Variants in SMARCA1 observed in about 807,000 individuals in gnomAD.
SMARCA1 encodes the protein SWI/SNF-related matrix-associated actin-dependent regulator of chromatin subfamily A member 1.
A neutral mutation model predicts 93.6 loss-of-function variants in SMARCA1; 17 were observed. That is an observed-to-expected ratio of 0.18 (90% CI 0.12 to 0.27). The LOEUF (loss-of-function observed/expected upper bound fraction) is 0.27. SMARCA1 is among the 10% of genes least tolerant of loss of function. SMARCA1 has a pLI of 1.00. For missense variants in SMARCA1, 630 were observed against 819.0 expected, an observed-to-expected ratio of 0.77 and a Z score of 2.82; for synonymous variants, 271 against 271.4, an observed-to-expected ratio of 1.00 and a Z score of 0.01.
intron 19 of SMARCA1, among the ~76,000 whole-genome samples, chrX:129,473,934 T>C (rs1426187268): frequency 9.0e-6 from 1 of 111,674 alleles, no homozygotes; most frequent in Non-Finnish European, 1.9e-5. Flanking sequence ...GGTTTATATA[T>C]TTCACTCTAT....
At chrX:129,484,100 T>C (rs1933794117) in intron 17 of SMARCA1, among the ~76,000 whole-genome samples, 1 of 111,941 alleles carries the variant, frequency 8.9e-6, no homozygotes, top group Non-Finnish European at 1.9e-5. Flanking sequence ...TTACGCATCA[T>C]TACTTTGCTA....
Position 129,511,840 on chromosome X carries a change from G to T in SMARCA1, c.774C>A (p.Leu258=). The part of the protein sequence containing the change: ...MNEFKRWVPS[L]RVICFVGDKD... ...TGTCTCCGACAAAACAAATGACACG[G>T]AGAGATGGGACCCATCGTTTAAATT... Residue 258 remains leucine, a synonymous_variant, in exon 6 of 25, where the codon CTC becomes CTA. Transcript: ENST00000371121. 8.3e-7 allele frequency: 1 copy of T among 1,202,477 alleles called. No homozygotes were observed. The highest frequency in any genetic ancestry group is 1.1e-6 in the Non-Finnish European group (1 of 890,789).
chrX:129,488,301 A>G (rs1280759460), intron 16 of SMARCA1, among the ~76,000 whole-genome samples: 1 of 108,791 alleles, frequency 9.2e-6, no homozygotes, highest in African/African-American at 3.3e-5. Flanking sequence ...AAAAAAAAAA[A>G]AAAAAGATTA....
intron 15 of SMARCA1, 141 bp downstream of exon 15, chrX:129,489,919 A>G: frequency 2.4e-6 from 1 of 417,013 alleles, no homozygotes; most frequent in East Asian, 4.0e-5. Context: ...AATTGTACAG[A>G]CTCATGGGAT....
chrX:129,517,316 T>C (rs1017517684), intron 2 of SMARCA1, among the ~76,000 whole-genome samples: 1 of 111,219 alleles, frequency 9.0e-6, no homozygotes, highest in Non-Finnish European at 1.9e-5. Flanking sequence ...TCAAAAGATA[T>C]ATACATCATT....
At position 129,511,884 on chromosome X, in the gene SMARCA1, A is replaced by T. The variant is rs1196938853; in HGVS notation, c.730T>A (p.Leu244Ile). 2.5e-6 allele frequency: 3 copies of T among 1,203,385 alleles called. No individual in the cohort carries two copies. The African/African-American group carries it at 5.2e-5, about 21-fold the overall frequency. Residue 244 changes from leucine to isoleucine, a missense_variant, in exon 6 of 25, where the codon TTA (leucine) becomes ATA (isoleucine). Physicochemically the swap from Leu to Ile is conservative, Grantham distance 5. Transcript: ENST00000371121. ...PHMVLVPKST[L>I]HNWMNEFKRW... Reference sequence around the variant, plus strand: ...TTAAATTCATTCATCCAGTTGTGTAAAGTAGACTTTGGAACTAAAACCATG... The same window carrying T: ...TTAAATTCATTCATCCAGTTGTGTATAGTAGACTTTGGAACTAAAACCATG...
At chrX:129,476,264 T>C (rs905657950) in intron 19 of SMARCA1, among the ~76,000 whole-genome samples, 4 of 112,444 alleles carry the variant, frequency 3.6e-5, no homozygotes, top group South Asian at 3.7e-4. Flanking sequence ...GCACATTATG[T>C]ACTGCTGTCC....
chrX:129,490,280 T>C (rs1602696220), intron 14 of SMARCA1, 88 bp from the exon 15 acceptor site: 1 of 593,327 alleles, frequency 1.7e-6, no homozygotes, highest in African/African-American at 2.3e-5. Flanking sequence ...AAAATAAAAT[T>C]AGTTATTTTT....
At position 129,456,322 on chromosome X, in the gene SMARCA1, G is replaced by A. The variant is rs781443318; in HGVS notation, c.3031-7879C>T. Among the ~76,000 whole-genome samples the A allele has an allele frequency of 9.0e-5, 10 of 111,686 alleles. No homozygotes were observed. The East Asian group carries it at 2.8e-3, about 31-fold the overall frequency. ...TCCTTTTAAAATATTATTGCTCTTT[G>A]ACAATGCACCTGGCCACCCAAGAGT... On this transcript the variant is annotated intron_variant, in intron 23 of 24. Coordinates refer to ENST00000371121, the MANE Select transcript of SMARCA1 (RefSeq NM_001282874.2).
At chrX:129,472,042 G>A in intron 19 of SMARCA1, among the ~76,000 whole-genome samples, 1 of 111,628 alleles carries the variant, frequency 9.0e-6, no homozygotes, top group East Asian at 2.8e-4. Flanking sequence ...AAGGACAGAA[G>A]CTCAGCTCTC....
chrX:129,453,366 T>C (rs1932408163), intron 23 of SMARCA1, among the ~76,000 whole-genome samples: 1 of 111,427 alleles, frequency 9.0e-6, no homozygotes, highest in Non-Finnish European at 1.9e-5. Context: ...AAGCATTCCC[T>C]ATGAAAACCA....
At chrX:129,508,589 CAT>C (rs1354378466) in intron 6 of SMARCA1, among the ~76,000 whole-genome samples, 24 of 112,347 alleles carry the variant, frequency 2.1e-4, no homozygotes, top group Non-Finnish European at 3.6e-4. Context: ...TGGGCTGACT[CAT>C]ATACTTTGTT....
chrX:129,465,407 G>C, intron 23 of SMARCA1, 113 bp downstream of exon 23: 2 of 494,447 alleles, frequency 4.0e-6, no homozygotes, highest in South Asian at 3.6e-5. Context: ...GAGAGAAAGA[G>C]AGAGCGCCAA....
chrX:129,488,991 C>G lies in SMARCA1; in HGVS notation c.2043G>C (p.Glu681Asp). Reference sequence around the variant, plus strand: ...TAATGTCTTCATCTGTCAACTCACTCTCTTTAGAAGCAAAAACATGGGTGG... The same window carrying G: ...TAATGTCTTCATCTGTCAACTCACTGTCTTTAGAAGCAAAAACATGGGTGG... The part of the protein sequence containing the change: ...HGATHVFASK[E>D]SELTDEDITT... The change falls in exon 16 of 25, where the codon GAG becomes GAC. Residue 681 changes from glutamate (E) to aspartate (D), a missense_variant. Physicochemically the swap from Glu to Asp is conservative, Grantham distance 45. Around this residue, in one of 4 missense-constraint regions of SMARCA1, gnomAD observed 382 missense variants for 537.9 expected, o/e 0.71. Transcript: ENST00000371121. The G allele has an allele frequency of 8.4e-7, 1 of 1,183,978 alleles. No homozygotes were observed. The highest frequency in any genetic ancestry group is 1.1e-6 in the Non-Finnish European group (1 of 870,646).
chrX:129,508,775 T>C (rs1934917573), intron 6 of SMARCA1, among the ~76,000 whole-genome samples: 1 of 112,514 alleles, frequency 8.9e-6, no homozygotes, highest in Admixed American at 9.5e-5. Flanking sequence ...ACATGGTAGG[T>C]AAGTTGACTG....
chrX:129,455,577 C>T (rs1246794222), intron 23 of SMARCA1, among the ~76,000 whole-genome samples: 2 of 109,947 alleles, frequency 1.8e-5, no homozygotes, highest in East Asian at 5.8e-4. Flanking sequence ...GCACATTCTG[C>T]ACATGTATCC....
intron 19 of SMARCA1, among the ~76,000 whole-genome samples, chrX:129,476,238 A>C (rs1377940555): frequency 1.8e-5 from 2 of 112,241 alleles, no homozygotes; most frequent in African/African-American, 6.5e-5. Flanking sequence ...CAAAGCTTAG[A>C]TAGCAGCAAG....
chrX:129,446,853 C>CAA lies in SMARCA1; in HGVS notation c.*307_*308dup, dbSNP rs1293315691. 5.8e-6 allele frequency: 1 copy of CAA among 173,470 alleles called. No individual in the cohort carries two copies. The highest frequency in any genetic ancestry group is 1.1e-5 in the Non-Finnish European group (1 of 95,041). The allele number at this position is 173,470 out of a possible 1,213,427, so 14.3% of individuals were successfully genotyped here. A position where few individuals can be genotyped will look rare whatever the true frequency, so the allele number is the denominator to read the frequency against. The stretch of plus-strand genomic sequence containing the variant: ...CAACTATAGAATCTAGGTTCTCTTT[C>CAA]AAAGCAGCGGCATATAAAACATAGA... On this transcript the variant is annotated 3_prime_UTR_variant, in exon 25 of 25. Coordinates refer to ENST00000371121, the MANE Select transcript of SMARCA1 (RefSeq NM_001282874.2).
Position 129,471,286 on chromosome X carries a change from T to G in SMARCA1, c.2483A>C (p.Gln828Pro), listed in dbSNP as rs1314097768. Residue 828 changes from glutamine to proline, a missense_variant, in exon 20 of 25, where the codon CAA (glutamine) becomes CCA (proline). Transcript: ENST00000371121. ...ATCAATCTTTTTTTGCTCTTCTCTTTGAGCCAGAGCTGGATTTGGGATATC... is the reference window on the plus strand; with the variant it reads ...ATCAATCTTTTTTTGCTCTTCTCTTGGAGCCAGAGCTGGATTTGGGATATC... ...NPDIPNPALA[Q>P]REEQKKIDGA... is the part of the protein sequence containing the mutation. 1 of 1,197,904 alleles carries G rather than the reference T, an allele frequency of 8.3e-7. No individual in the cohort carries two copies. The highest frequency in any genetic ancestry group is 1.8e-5 in the African/African-American group (1 of 57,046).
Sources: allele counts gnomAD v4.1 joint callset (sites outside exome capture counted in the v4.1 genomes callset), GRCh38; gene constraint gnomAD v4.1.1; regional missense constraint gnomAD v4.1.1; transcripts MANE v1.5; gene names NCBI Gene and HGNC (gene_info 2026-07-23, HGNC 2026-07-21).